Variants in HS6ST3 observed in about 807,000 individuals in gnomAD.
HS6ST3 encodes heparan-sulfate 6-O-sulfotransferase 3.
In HS6ST3, 12 loss-of-function variants were observed where a neutral mutation model predicts 36.7. The ratio of observed to expected loss-of-function variants is 0.33; its 90% CI spans 0.21 to 0.53. HS6ST3 has a LOEUF of 0.53. Ranked by LOEUF, HS6ST3 falls within the 20% of genes least tolerant of loss-of-function variation. HS6ST3 has a pLI of 0.95. For synonymous variants in HS6ST3, 240 were observed against 257.5 expected (o/e 0.93, Z 0.65); for missense variants, 584 against 640.9 (o/e 0.91, Z 0.96).
chr13:96,472,464 T>TA (rs1206433101), intron 1 of HS6ST3, among the ~76,000 whole-genome samples: 1 of 152,182 alleles, frequency 6.6e-6, no homozygotes, highest in African/African-American at 2.4e-5. Context: ...ACTCTTATTT[T>TA]ACCTTTAAAA....
At chr13:96,775,992 C>G (rs1877378853) in intron 1 of HS6ST3, among the ~76,000 whole-genome samples, 1 of 152,166 alleles carries the variant, frequency 6.6e-6, no homozygotes, top group South Asian at 2.1e-4. Context: ...CAAATAGTCT[C>G]TTGGACCACA....
chr13:96,642,406 G>A (rs541291008), intron 1 of HS6ST3, among the ~76,000 whole-genome samples: 1 of 151,680 alleles, frequency 6.6e-6, no homozygotes, highest in African/African-American at 2.4e-5. Flanking sequence ...TGAGCTTATT[G>A]GTTGTGTAGA....
chr13:96,359,922 T>C (rs1162132392), intron 1 of HS6ST3, among the ~76,000 whole-genome samples: 2 of 152,130 alleles, frequency 1.3e-5, no homozygotes, highest in African/African-American at 4.8e-5. Context: ...GGAGTTGACA[T>C]GGAACTGGAG....
chr13:96,218,463 A>T (rs144854897), intron 1 of HS6ST3, among the ~76,000 whole-genome samples: 154 of 152,288 alleles, frequency 1.0e-3, no homozygotes, highest in African/African-American at 3.6e-3. Flanking sequence ...CTGGCAGCGA[A>T]TGGCTGTGTG....
intron 1 of HS6ST3, among the ~76,000 whole-genome samples, chr13:96,634,089 G>A (rs1359432986): frequency 6.6e-6 from 1 of 152,160 alleles, no homozygotes; most frequent in African/African-American, 2.4e-5. Context: ...CTGGAAGAGG[G>A]CCCTCACCAG....
intron 1 of HS6ST3, among the ~76,000 whole-genome samples, chr13:96,631,399 C>T (rs545732325): frequency 6.6e-6 from 1 of 152,272 alleles, no homozygotes; most frequent in East Asian, 1.9e-4. Flanking sequence ...CATGAAATAT[C>T]AGCTATAAAT....
At chr13:96,451,069 G>C (rs1480354244) in intron 1 of HS6ST3, among the ~76,000 whole-genome samples, 1 of 151,912 alleles carries the variant, frequency 6.6e-6, no homozygotes, top group East Asian at 1.9e-4. Flanking sequence ...ATGTTTCATA[G>C]AACAGTATTA....
chr13:96,713,611 G>A (rs1264432474), intron 1 of HS6ST3, among the ~76,000 whole-genome samples: 1 of 152,142 alleles, frequency 6.6e-6, no homozygotes. Flanking sequence ...CAAGGCATGT[G>A]CATTCAACAA....
chr13:96,149,259 C>G (rs1164678811), intron 1 of HS6ST3, among the ~76,000 whole-genome samples: 1 of 152,052 alleles, frequency 6.6e-6, no homozygotes, highest in Non-Finnish European at 1.5e-5. Context: ...GGTGATTTTT[C>G]GATCACTCTG....
chr13:96,226,946 C>T (rs1024481617), intron 1 of HS6ST3, among the ~76,000 whole-genome samples: 14 of 152,226 alleles, frequency 9.2e-5, no homozygotes, highest in Non-Finnish European at 1.3e-4. Context: ...GGTGCTCCAT[C>T]GTGATGTTAT....
At chr13:96,825,786 CACA>C (rs1249657890) in intron 1 of HS6ST3, among the ~76,000 whole-genome samples, 2 of 152,168 alleles carry the variant, frequency 1.3e-5, no homozygotes, top group Non-Finnish European at 2.9e-5. Flanking sequence ...TAGTGAAACA[CACA>C]ACATGAGCTT....
intron 1 of HS6ST3, among the ~76,000 whole-genome samples, chr13:96,711,162 G>T (rs1291647878): frequency 6.6e-6 from 1 of 152,056 alleles, no homozygotes; most frequent in African/African-American, 2.4e-5. Context: ...CCCTGCACCT[G>T]CACCAGGCAG....
intron 1 of HS6ST3, among the ~76,000 whole-genome samples, chr13:96,771,526 C>T (rs151285852): frequency 5.9e-5 from 9 of 152,052 alleles, no homozygotes; most frequent in South Asian, 2.1e-4. Flanking sequence ...ATAAGCCGAC[C>T]GAAAATGGCT....
chr13:96,122,423 TG>T (rs2053930241), intron 1 of HS6ST3, among the ~76,000 whole-genome samples: 1 of 152,188 alleles, frequency 6.6e-6, no homozygotes, highest in Non-Finnish European at 1.5e-5. Context: ...ATTATACTTT[TG>T]CAAACCCCCT....
chr13:96,625,565 T>C (rs1167548834), intron 1 of HS6ST3, among the ~76,000 whole-genome samples: 1 of 152,170 alleles, frequency 6.6e-6, no homozygotes, highest in Non-Finnish European at 1.5e-5. Flanking sequence ...TATTTAGGTA[T>C]TAGATCAAAT....
intron 1 of HS6ST3, among the ~76,000 whole-genome samples, chr13:96,501,341 T>C (rs1277755500): frequency 6.6e-6 from 1 of 152,192 alleles, no homozygotes; most frequent in Admixed American, 6.5e-5. Flanking sequence ...TACTGTAATA[T>C]ACTTTTTCAT....
rs149114847 is a variant in HS6ST3 at position 96,835,071 on chromosome 13, A to C, written c.*1873A>C. On this transcript the variant is annotated 3_prime_UTR_variant, in exon 2 of 2. Coordinates refer to ENST00000376705, the MANE Select transcript of HS6ST3 (RefSeq NM_153456.4). ...AATAAGTAGCTCCTCCACAGGTTGT[A>C]AGCTAGGTCTAGCTGACTGCAAAGG... 8 of 152,360 alleles carry C rather than the reference A, an allele frequency of 5.3e-5. No individual in the cohort carries two copies. Among genetic ancestry groups the C allele is most frequent in the Non-Finnish European group, 4.4e-5 (3 of 68,054 alleles). 9.4% of individuals were successfully genotyped at this position (152,360 alleles called of 1,614,324 possible).
intron 1 of HS6ST3, among the ~76,000 whole-genome samples, chr13:96,782,739 A>G (rs763340403): frequency 2.0e-5 from 3 of 152,128 alleles, no homozygotes; most frequent in South Asian, 2.1e-4. Flanking sequence ...TTTAACTCCA[A>G]TGGTGAGCAG....
chr13:96,437,945 C>T (rs1187563101), intron 1 of HS6ST3, among the ~76,000 whole-genome samples: 2 of 152,190 alleles, frequency 1.3e-5, no homozygotes, highest in Non-Finnish European at 2.9e-5. Flanking sequence ...ATTCCTTTGA[C>T]AGTCAGAGGC....
Sources: gnomAD v4.1 joint callset for allele counts (sites outside exome capture counted in the v4.1 genomes callset) on GRCh38, gnomAD v4.1.1 for gene constraint, MANE v1.5 for transcripts, NCBI Gene and HGNC (gene_info 2026-07-23, HGNC 2026-07-21) for gene names.